PNPLA7: variants seen among roughly 807,000 people sequenced by gnomAD.
PNPLA7 encodes the protein patatin-like phospholipase domain-containing protein 7.
PNPLA7 carries 153 observed loss-of-function variants against 161.7 expected under a neutral mutation model. The observed-to-expected ratio is 0.95, with a 90% CI of 0.83 to 1.08. PNPLA7 has a LOEUF of 1.08. PNPLA7 is among the 50% of genes least tolerant of loss of function. The probability of loss-of-function intolerance (pLI) is 0.00; values close to 1 mark genes in which losing one functional copy is unlikely to be tolerated. For missense variants in PNPLA7, 1,739 were observed against 1,856.6 expected (o/e 0.94, Z 1.16); for synonymous variants, 809 against 782.1 (o/e 1.03, Z -0.57).
intron 28 of PNPLA7, 51 bp downstream of exon 28, chr9:137,464,075 C>A: frequency 6.3e-7 from 1 of 1,585,594 alleles, no homozygotes; most frequent in Non-Finnish European, 8.6e-7. Flanking sequence ...AGCTCTCCCC[C>A]TGCCCACACC....
At chr9:137,538,058 C>T (rs1051382910) in intron 8 of PNPLA7, among the ~76,000 whole-genome samples, 8 of 152,186 alleles carry the variant, frequency 5.3e-5, no homozygotes, top group Non-Finnish European at 5.9e-5. Flanking sequence ...CAGAGACACA[C>T]TAACCAGAGG....
At chr9:137,493,917 C>G (rs1055603000) in intron 19 of PNPLA7, among the ~76,000 whole-genome samples, 2 of 152,190 alleles carry the variant, frequency 1.3e-5, no homozygotes, top group Admixed American at 1.3e-4. Flanking sequence ...GACCTAGGAT[C>G]TGCGGGCAGG....
In PNPLA7 at chr9:137,462,204, T is replaced by C; in HGVS notation, c.3620A>G (p.Asp1207Gly). Residue 1207 changes from aspartate to glycine, a missense_variant, in exon 31 of 35, where the codon GAC becomes GGC. Physicochemically the swap from Asp to Gly is moderately conservative, Grantham distance 94. Coordinates refer to ENST00000406427, the MANE Select transcript of PNPLA7 (RefSeq NM_001098537.3). Reference sequence around the variant, plus strand: ...GCAGATCTCGTTGAACTTGCCGAAGTCCAGGGTGCTGTAGCTGTCGATGGG... The same window carrying C: ...GCAGATCTCGTTGAACTTGCCGAAGCCCAGGGTGCTGTAGCTGTCGATGGG... ...RPPIDSYSTLDFGKFNEICEV... is the reference protein window; with the variant it reads ...RPPIDSYSTLGFGKFNEICEV... 1 of 1,582,582 alleles carries C rather than the reference T, an allele frequency of 6.3e-7. No homozygotes were observed. Among genetic ancestry groups the C allele is most frequent in the Non-Finnish European group, 8.6e-7 (1 of 1,162,530 alleles).
intron 17 of PNPLA7, among the ~76,000 whole-genome samples, chr9:137,497,602 A>C (rs1036339931): frequency 1.3e-5 from 2 of 152,234 alleles, no homozygotes; most frequent in Non-Finnish European, 1.5e-5. Context: ...ACCTCGGCTC[A>C]CTGCAACCTC....
At chr9:137,463,087 ACCTG>A in intron 29 of PNPLA7, 1 of 601,558 alleles carries the variant, frequency 1.7e-6, no homozygotes, top group South Asian at 2.1e-5. Context: ...CAAGCTCGAC[ACCTG>A]CAGGCTGTTA....
At chr9:137,545,327 G>C (rs1836438328) in intron 4 of PNPLA7, among the ~76,000 whole-genome samples, 3 of 152,248 alleles carry the variant, frequency 2.0e-5, no homozygotes, top group Admixed American at 2.0e-4. Context: ...CAAATCCCAG[G>C]GGATGGACTC....
intron 24 of PNPLA7, chr9:137,478,794 C>T (rs898598835): frequency 2.9e-4 from 124 of 431,572 alleles, no homozygotes; most frequent in Admixed American, 7.9e-5. Context: ...TGATTCAGGC[C>T]CATCCCCGGG....
At chr9:137,515,086 C>T (rs544195442) in intron 12 of PNPLA7, among the ~76,000 whole-genome samples, 3 of 152,230 alleles carry the variant, frequency 2.0e-5, no homozygotes, top group East Asian at 3.9e-4. Flanking sequence ...CGGGAAGGGC[C>T]GAGCACATGG....
chr9:137,549,981 T>C (rs1836762081), intron 1 of PNPLA7, among the ~76,000 whole-genome samples, 187 bp downstream of exon 1: 1 of 152,218 alleles, frequency 6.6e-6, no homozygotes. Flanking sequence ...CAGGCGCGTC[T>C]AACAAGTGCT....
chr9:137,461,915 G>A lies in PNPLA7; in HGVS notation c.3756+16C>T, dbSNP rs1214542366. The A allele has an allele frequency of 1.4e-5, 22 of 1,538,752 alleles. No individual in the cohort carries two copies. Among genetic ancestry groups the A allele is most frequent in the Non-Finnish European group, 1.8e-5 (21 of 1,147,338 alleles). Reference sequence around the variant, plus strand: ...CGGTCCGGGGAGCTGGGCGTGGTCCGGACGCCCGTACTCACCGCACTCGCG... The same window carrying A: ...CGGTCCGGGGAGCTGGGCGTGGTCCAGACGCCCGTACTCACCGCACTCGCG... On this transcript the variant is annotated intron_variant, in intron 32 of 34. Coordinates refer to ENST00000406427, the MANE Select transcript of PNPLA7 (RefSeq NM_001098537.3).
At chr9:137,498,304 G>A in intron 16 of PNPLA7, 59 bp from the exon 17 acceptor site, 1 of 1,591,752 alleles carries the variant, frequency 6.3e-7, no homozygotes, top group South Asian at 1.1e-5. Flanking sequence ...CTTCGCCCAG[G>A]GCCGCAGTGC....
chr9:137,519,010 A>C (rs1834838700), intron 11 of PNPLA7, among the ~76,000 whole-genome samples: 2 of 108,072 alleles, frequency 1.9e-5, no homozygotes, highest in Admixed American at 1.1e-4. Flanking sequence ...CACTCTGTCC[A>C]CTCCATCCCC....
In PNPLA7 at chr9:137,476,279, C is replaced by T. The variant is rs1831941419; in HGVS notation, c.2882+1755G>A. On this transcript the variant is annotated intron_variant, in intron 25 of 34. Transcript: ENST00000406427. The surrounding 1 kb of genome is among the most constrained non-coding windows in gnomAD (Gnocchi z 4.5). ...ACTGAACAAATGTGACAATTATTAA[C>T]TCCAAGGAAGGAACTTCAATCATAG... Among the ~76,000 whole-genome samples the T allele has an allele frequency of 6.6e-6, 1 of 152,144 alleles. No homozygotes were observed. Among genetic ancestry groups the T allele is most frequent in the African/African-American group, 2.4e-5 (1 of 41,418 alleles).
intron 27 of PNPLA7, 31 bp downstream of exon 27, chr9:137,464,309 G>T: frequency 6.2e-7 from 1 of 1,606,840 alleles, no homozygotes; most frequent in Non-Finnish European, 8.5e-7. Flanking sequence ...GGCACTGGGG[G>T]CTGCATGGGC....
rs1831101234 is a variant in PNPLA7, at chr9:137,460,139, G to A, written c.*254C>T. 2.4e-6 allele frequency: 1 copy of A among 419,234 alleles called. No homozygotes were observed. Among genetic ancestry groups the A allele is most frequent in the South Asian group, 2.5e-5 (1 of 39,216 alleles). 26.0% of individuals were successfully genotyped at this position (419,234 alleles called of 1,614,324 possible). On this transcript the variant is annotated 3_prime_UTR_variant, in exon 35 of 35. Transcript: ENST00000406427. ...CTTCGGGGGGCCTCACAGGGCTGCA[G>A]GGGGTTCACAGAGCTTCAGGGGCCT... is the stretch of plus-strand genomic sequence containing the variant.
intron 29 of PNPLA7, 66 bp downstream of exon 29, chr9:137,463,349 G>A: frequency 1.4e-6 from 2 of 1,386,458 alleles, no homozygotes; most frequent in Non-Finnish European, 2.0e-6. Context: ...GCTGTGGCAG[G>A]GGCCGTGGGG....
intron 9 of PNPLA7, among the ~76,000 whole-genome samples, chr9:137,522,144 G>A (rs565931683): frequency 4.5e-4 from 68 of 152,210 alleles, no homozygotes; most frequent in African/African-American, 1.1e-3. Flanking sequence ...GCACCATCTC[G>A]GCTCACTGCA....
At chr9:137,513,074 G>A (rs960673484) in intron 12 of PNPLA7, among the ~76,000 whole-genome samples, 3 of 152,110 alleles carry the variant, frequency 2.0e-5, no homozygotes, top group African/African-American at 7.2e-5. Context: ...TTTTATTAAT[G>A]GTGTTGGGTA....
chr9:137,540,420 A>C lies in PNPLA7; in HGVS notation c.747+222T>G, dbSNP rs962126043. Among the ~76,000 whole-genome samples, 3 of 152,218 alleles carry C rather than the reference A, an allele frequency of 2.0e-5. No individual in the cohort carries two copies. Among genetic ancestry groups the C allele is most frequent in the South Asian group, 2.1e-4 (1 of 4,832 alleles). ...TTCAACAACAGTCATTTAAGAGACA[A>C]CCAAAACCGTTAGCCACATGCCCGG... On this transcript the variant is annotated intron_variant, in intron 8 of 34. Coordinates refer to ENST00000406427, the MANE Select transcript of PNPLA7 (RefSeq NM_001098537.3). The surrounding 1 kb of genome is among the most constrained non-coding windows in gnomAD (Gnocchi z 5.1).
Sources: gnomAD v4.1 joint callset for allele counts (sites outside exome capture counted in the v4.1 genomes callset) on GRCh38, gnomAD v4.1.1 for gene constraint, Gnocchi (gnomAD v3.1) non-coding constraint, MANE v1.5 for transcripts, NCBI Gene and HGNC (gene_info 2026-07-23, HGNC 2026-07-21) for gene names.